The following RGS7 variants were observed in gnomAD, a reference collection of about 807,000 sequenced individuals.
RGS7 encodes regulator of G-protein signaling 7.
RGS7 carries 27 observed loss-of-function variants against 81.1 expected under a neutral mutation model. The observed-to-expected ratio is 0.33, with a 90% CI of 0.25 to 0.46. RGS7 has a LOEUF of 0.46. Among genes scored for constraint, RGS7 ranks in the 20% least tolerant of loss-of-function variants. RGS7 has a pLI of 1.00. For synonymous variants in RGS7, 208 were observed against 207.7 expected, an observed-to-expected ratio of 1.00 and a Z score of -0.01; for missense variants, 396 against 607.4, an observed-to-expected ratio of 0.65 and a Z score of 3.66.
Position 241,164,740 on chromosome 1 carries a change from A to C in RGS7, c.79-65978T>G, listed in dbSNP as rs2070044871. ...GGCCAACAAAACACATCCCCTACTC[A>C]GATTCTGCGCATGGGCCACCGATTT... On this transcript the variant is annotated intron_variant, in intron 2 of 18. Coordinates refer to ENST00000440928, the MANE Select transcript of RGS7 (RefSeq NM_001364886.1). This position sits in a 1 kb window ranked among gnomAD's most constrained non-coding sequence, Gnocchi z 4.1. Among the ~76,000 whole-genome samples, 1 of 152,168 alleles carries C rather than the reference A, an allele frequency of 6.6e-6. No individual in the cohort carries two copies. The highest frequency in any genetic ancestry group is 1.5e-5 in the Non-Finnish European group (1 of 68,040).
At chr1:241,045,765 T>C (rs2060892846) in intron 3 of RGS7, among the ~76,000 whole-genome samples, 1 of 152,214 alleles carries the variant, frequency 6.6e-6, no homozygotes, top group African/African-American at 2.4e-5. Context: ...CTTGTTTTCC[T>C]GTACCTTGCT....
chr1:241,037,186 C>T (rs1007346367), intron 3 of RGS7, among the ~76,000 whole-genome samples: 8 of 152,088 alleles, frequency 5.3e-5, no homozygotes, highest in Admixed American at 1.3e-4. Context: ...ATGGAGTACA[C>T]GGCTAGGAAA....
chr1:241,063,439 G>A (rs1370390655), intron 3 of RGS7, among the ~76,000 whole-genome samples: 1 of 152,090 alleles, frequency 6.6e-6, no homozygotes, highest in Non-Finnish European at 1.5e-5. Context: ...AGAAGTGCAG[G>A]CTTCCACACA....
At chr1:241,353,710 A>G (rs2083387927) in intron 2 of RGS7, among the ~76,000 whole-genome samples, 1 of 152,138 alleles carries the variant, frequency 6.6e-6, no homozygotes, top group Admixed American at 6.5e-5. Flanking sequence ...AGCAGTTCCC[A>G]GCTTAATCAA....
chr1:241,186,801 A>T (rs1485086025), intron 2 of RGS7, among the ~76,000 whole-genome samples: 1 of 152,054 alleles, frequency 6.6e-6, no homozygotes, highest in Non-Finnish European at 1.5e-5. Context: ...TGCTGAGATT[A>T]CAGGCGTGAG....
intron 6 of RGS7, among the ~76,000 whole-genome samples, chr1:240,902,760 AC>A (rs1670215430): frequency 6.6e-6 from 1 of 152,234 alleles, no homozygotes; most frequent in Non-Finnish European, 1.5e-5. Context: ...CATCTAAATG[AC>A]AGAACGTTAT....
In RGS7 at chr1:241,039,575, T is replaced by C. The variant is rs532622961; in HGVS notation, c.176-56446A>G. On this transcript the variant is annotated intron_variant, in intron 3 of 18. Transcript: ENST00000440928. ...TCACTGAACTCATTTCTTTTTTTTT[T>C]TTCCCCCTTGGCATGCAGCAAGACA... is the stretch of plus-strand genomic sequence containing the variant. 7.6e-3 allele frequency among the ~76,000 whole-genome samples: 1,163 copies of C among 152,276 alleles called. 19 individuals carry two copies. The highest frequency in any genetic ancestry group is 0.027 in the African/African-American group (1,113 of 41,552).
intron 3 of RGS7, among the ~76,000 whole-genome samples, chr1:241,058,669 G>C (rs535130168): frequency 1.3e-5 from 2 of 152,216 alleles, no homozygotes; most frequent in Admixed American, 1.3e-4. Context: ...CAGCAGGCTG[G>C]AAACTACTTA....
At chr1:241,162,645 G>C (rs756283146) in intron 2 of RGS7, among the ~76,000 whole-genome samples, 1 of 152,086 alleles carries the variant, frequency 6.6e-6, no homozygotes, top group Non-Finnish European at 1.5e-5. Context: ...TATCTCTCCC[G>C]CTGCCTTAAA....
rs905632090 is a variant in RGS7, at chr1:241,147,089, T to A, written c.79-48327A>T. 6.6e-5 allele frequency among the ~76,000 whole-genome samples: 10 copies of A among 152,270 alleles called. No homozygotes were observed. The East Asian group carries it at 1.9e-3, about 29-fold the overall frequency. ...GCACATTTATTTCACACTTGAAGCA[T>A]CCCTGGTGTTTTTAATAATCACCTC... On this transcript the variant is annotated intron_variant, in intron 2 of 18. Coordinates refer to ENST00000440928, the MANE Select transcript of RGS7 (RefSeq NM_001364886.1).
chr1:241,200,460 G>A (rs2815874), intron 2 of RGS7, among the ~76,000 whole-genome samples: 35,013 of 152,096 alleles, frequency 0.23, 6,083 homozygotes, highest in African/African-American at 0.49. Flanking sequence ...TTGACAAAGA[G>A]GTTGACAAAC....
At chr1:240,785,515 T>C (rs1423155779) in intron 18 of RGS7, among the ~76,000 whole-genome samples, 1 of 152,226 alleles carries the variant, frequency 6.6e-6, no homozygotes, top group Non-Finnish European at 1.5e-5. Flanking sequence ...ATTAATATTA[T>C]AGCAGTCTCC....
At chr1:240,816,251 T>C (rs1258104606) in intron 11 of RGS7, 66 bp downstream of exon 11, 1 of 997,762 alleles carries the variant, frequency 1.0e-6, no homozygotes, top group Non-Finnish European at 1.6e-6. Flanking sequence ...TATTAACATT[T>C]ACCCTCTGGT....
Position 241,207,414 on chromosome 1 carries a change from G to A in RGS7, c.79-108652C>T, listed in dbSNP as rs755957652. Among the ~76,000 whole-genome samples, 12 of 149,494 alleles carry A rather than the reference G, an allele frequency of 8.0e-5. 1 individual carries two copies. Among genetic ancestry groups the A allele is most frequent in the East Asian group, 4.0e-4 (2 of 4,958 alleles). On this transcript the variant is annotated intron_variant, in intron 2 of 18. Coordinates refer to ENST00000440928, the MANE Select transcript of RGS7 (RefSeq NM_001364886.1). ...TTTACATTTTGATATCATGCAGACC[G>A]ATAGCTATGAAATCTGATTATTCAT...
intron 2 of RGS7, among the ~76,000 whole-genome samples, chr1:241,182,595 C>T (rs1483029455): frequency 6.6e-6 from 1 of 151,162 alleles, no homozygotes; most frequent in Non-Finnish European, 1.5e-5. Context: ...GTTCCTGAGC[C>T]TTAGTTTTTC....
In RGS7 at chr1:240,868,122, G is replaced by GA. The variant is rs1369951262; in HGVS notation, c.609+464dup. Among the ~76,000 whole-genome samples the GA allele has an allele frequency of 3.1e-4, 30 of 97,846 alleles. No individual in the cohort carries two copies. Among genetic ancestry groups the GA allele is most frequent in the African/African-American group, 1.7e-3 (25 of 14,620 alleles). The allele number at this position is 97,846 out of a possible 152,430, so 64.2% of individuals were successfully genotyped here. ...GAAAAAGAAAGAAAAGAAAAGGAAA[G>GA]AAAGAAAGAAAGAAAGAAAGAAAGA... On this transcript the variant is annotated intron_variant, in intron 9 of 18. Transcript: ENST00000440928. This position sits in a 1 kb window ranked among gnomAD's most constrained non-coding sequence, Gnocchi z 5.1.
intron 2 of RGS7, among the ~76,000 whole-genome samples, chr1:241,349,510 T>C (rs777892145): frequency 1.3e-5 from 2 of 152,234 alleles, no homozygotes; most frequent in Non-Finnish European, 2.9e-5. Context: ...ATTGAGTTCA[T>C]GATTGCCTGT....
At chr1:241,307,522 T>C (rs1369749865) in intron 2 of RGS7, among the ~76,000 whole-genome samples, 1 of 152,220 alleles carries the variant, frequency 6.6e-6, no homozygotes, top group Non-Finnish European at 1.5e-5. Flanking sequence ...AAGCTTTAGG[T>C]ATTCATTCAA....
chr1:240,975,903 C>T (rs1207562912), intron 4 of RGS7, among the ~76,000 whole-genome samples: 1 of 147,568 alleles, frequency 6.8e-6, no homozygotes, highest in African/African-American at 2.5e-5. Context: ...TCACACAGTC[C>T]TGCGTCTGTG....
Sources: gnomAD v4.1 joint callset for allele counts (sites outside exome capture counted in the v4.1 genomes callset) on GRCh38, gnomAD v4.1.1 for gene constraint, Gnocchi (gnomAD v3.1) non-coding constraint, MANE v1.5 for transcripts, NCBI Gene and HGNC (gene_info 2026-07-23, HGNC 2026-07-21) for gene names.